Variants in MACROH2A2 observed in about 807,000 individuals in gnomAD.
MACROH2A2 encodes core histone macro-H2A.2.
In MACROH2A2, 6 loss-of-function variants were observed where a neutral mutation model predicts 37.6. The observed-to-expected ratio is 0.16, with a 90% confidence interval of 0.09 to 0.32. The LOEUF (loss-of-function observed/expected upper bound fraction) is 0.32, where lower values mean the gene tolerates loss of function less well. Ranked by LOEUF, MACROH2A2 falls within the 10% of genes least tolerant of loss-of-function variation. The pLI is 1.00. For missense variants in MACROH2A2, 290 were observed against 485.9 expected (o/e 0.60, Z 3.79); for synonymous variants, 192 against 202.7 (o/e 0.95, Z 0.45).
At chr10:70,080,304 G>A (rs556601151) in intron 2 of MACROH2A2, among the ~76,000 whole-genome samples, 40 of 151,630 alleles carry the variant, frequency 2.6e-4, no homozygotes, top group South Asian at 2.5e-3. Flanking sequence ...GAGTCTTGCC[G>A]AGAGGAAGGA....
chr10:70,105,839 T>G (rs897120282), intron 7 of MACROH2A2, among the ~76,000 whole-genome samples: 10 of 151,668 alleles, frequency 6.6e-5, no homozygotes, highest in African/African-American at 2.4e-4. Flanking sequence ...AAAAGGGGAA[T>G]CGGGTTTCAG....
intron 2 of MACROH2A2, among the ~76,000 whole-genome samples, chr10:70,077,690 T>G (rs896832004): frequency 1.3e-5 from 2 of 152,126 alleles, no homozygotes; most frequent in Admixed American, 1.3e-4. Flanking sequence ...GCTAACACGG[T>G]GAAACCCCAT....
intron 1 of MACROH2A2, among the ~76,000 whole-genome samples, chr10:70,059,817 C>T (rs931859766): frequency 1.3e-5 from 2 of 152,202 alleles, no homozygotes; most frequent in Admixed American, 6.5e-5. Context: ...CCCCCTTGAA[C>T]TTTGGCAGGT....
intron 7 of MACROH2A2, among the ~76,000 whole-genome samples, chr10:70,108,728 C>G (rs1030504705): frequency 2.6e-5 from 4 of 152,196 alleles, no homozygotes; most frequent in African/African-American, 9.7e-5. Context: ...TCTGATGTGT[C>G]CCTTTAACTA....
chr10:70,058,685 T>C (rs1320030716), intron 1 of MACROH2A2, among the ~76,000 whole-genome samples: 5 of 152,152 alleles, frequency 3.3e-5, no homozygotes, highest in African/African-American at 1.2e-4. Context: ...ACTTGTATTT[T>C]GCGCTCCTGC....
chr10:70,054,615 G>A (rs113702838), intron 1 of MACROH2A2, among the ~76,000 whole-genome samples: 8 of 152,302 alleles, frequency 5.3e-5, no homozygotes, highest in Admixed American at 5.2e-4. Flanking sequence ...ACGTGTCTTC[G>A]TGTGTGTTGT....
At chr10:70,057,172 C>A (rs2136613670) in intron 1 of MACROH2A2, among the ~76,000 whole-genome samples, 1 of 152,254 alleles carries the variant, frequency 6.6e-6, no homozygotes, top group Non-Finnish European at 1.5e-5. Flanking sequence ...CAACTGTGAC[C>A]TAACACTATG....
At chr10:70,103,838 A>G (rs79992463) in intron 7 of MACROH2A2, among the ~76,000 whole-genome samples, 7,156 of 150,112 alleles carry the variant, frequency 0.048, 291 homozygotes, top group African/African-American at 0.1. Flanking sequence ...CACTGAAGGG[A>G]AAAAAAAAAC....
At chr10:70,093,234 T>C (rs2072256709) in intron 4 of MACROH2A2, among the ~76,000 whole-genome samples, 1 of 152,212 alleles carries the variant, frequency 6.6e-6, no homozygotes, top group Non-Finnish European at 1.5e-5. Context: ...TCCTTGATTG[T>C]ACCAGCCACA....
chr10:70,068,170 ATTTCT>A (rs1564541133), intron 1 of MACROH2A2, among the ~76,000 whole-genome samples: 3 of 152,284 alleles, frequency 2.0e-5, no homozygotes, highest in Admixed American at 2.0e-4. Context: ...TATTTAAATA[ATTTCT>A]TTAACTTTCT....
chr10:70,065,980 C>T (rs760658706), intron 1 of MACROH2A2, among the ~76,000 whole-genome samples: 3 of 152,262 alleles, frequency 2.0e-5, no homozygotes, highest in Middle Eastern at 3.4e-3. Context: ...ACCTAAAGAT[C>T]GTTCAAGTAA....
chr10:70,077,308 C>T (rs1404590308), intron 2 of MACROH2A2, among the ~76,000 whole-genome samples: 1 of 152,232 alleles, frequency 6.6e-6, no homozygotes, highest in Admixed American at 6.5e-5. Flanking sequence ...TGGCTCACAC[C>T]TGTAATCCCA....
chr10:70,079,054 C>G (rs1251648624), intron 2 of MACROH2A2, among the ~76,000 whole-genome samples: 1 of 152,038 alleles, frequency 6.6e-6, no homozygotes, highest in Non-Finnish European at 1.5e-5. Context: ...GGACTTAGAG[C>G]CTAGTGAGGA....
chr10:70,078,570 T>G (rs979099112), intron 2 of MACROH2A2, among the ~76,000 whole-genome samples: 1 of 152,232 alleles, frequency 6.6e-6, no homozygotes, highest in African/African-American at 2.4e-5. Flanking sequence ...TCCAGGTGTT[T>G]CCAGAACTAA....
chr10:70,065,341 T>C (rs1055058542), intron 1 of MACROH2A2, among the ~76,000 whole-genome samples: 13 of 152,128 alleles, frequency 8.5e-5, no homozygotes, highest in African/African-American at 2.2e-4. Flanking sequence ...CCTCCCAAAG[T>C]GCTGGGATTA....
intron 1 of MACROH2A2, among the ~76,000 whole-genome samples, chr10:70,059,095 A>T (rs930800221): frequency 1.3e-5 from 2 of 152,172 alleles, no homozygotes; most frequent in African/African-American, 4.8e-5. Context: ...CAAAGGACAG[A>T]TCCTGTGAAT....
intron 6 of MACROH2A2, among the ~76,000 whole-genome samples, chr10:70,096,787 G>A (rs865927542): frequency 6.6e-6 from 1 of 152,286 alleles, no homozygotes; most frequent in Admixed American, 6.5e-5. Flanking sequence ...AGCACCAGGG[G>A]CCCCAGGCAG....
chr10:70,076,599 C>A (rs979703207), intron 2 of MACROH2A2, among the ~76,000 whole-genome samples: 8 of 152,000 alleles, frequency 5.3e-5, no homozygotes, highest in African/African-American at 1.9e-4. Flanking sequence ...TATATATGTA[C>A]AATAAGTATG....
chr10:70,071,679 C>T (rs2072111710), intron 1 of MACROH2A2, among the ~76,000 whole-genome samples: 1 of 152,230 alleles, frequency 6.6e-6, no homozygotes, highest in Non-Finnish European at 1.5e-5. Flanking sequence ...AGGCTATAAT[C>T]CTATGATCTG....
Sources: allele counts gnomAD v4.1 joint callset (sites outside exome capture counted in the v4.1 genomes callset), GRCh38; gene constraint gnomAD v4.1.1; transcripts MANE v1.5; gene names NCBI Gene and HGNC (gene_info 2026-07-23, HGNC 2026-07-21).